Variants in TF observed in about 807,000 individuals in gnomAD.
TF encodes the protein transferrin.
TF carries 55 observed loss-of-function variants against 82.4 expected under a neutral mutation model. The observed-to-expected ratio is 0.67, with a 90% confidence interval of 0.54 to 0.84. The LOEUF (loss-of-function observed/expected upper bound fraction) is 0.84. Ranked by LOEUF, TF falls within the 40% of genes least tolerant of loss-of-function variation. The pLI is 0.00. For synonymous variants in TF, 332 were observed against 332.6 expected, an observed-to-expected ratio of 1.00 and a Z score of 0.02; for missense variants, 737 against 868.4, an observed-to-expected ratio of 0.85 and a Z score of 1.90.
At chr3:133,664,040 T>G in the TF span, among the ~76,000 whole-genome samples, 1 of 152,158 alleles carries the variant, frequency 6.6e-6, no homozygotes, top group South Asian at 2.1e-4. Flanking sequence ...TGATGTGTAG[T>G]GTCTGGACCA....
intron 10 of TF, 24 bp from the exon 11 acceptor site, chr3:133,764,851 T>A (rs1389552130): frequency 3.7e-6 from 6 of 1,612,596 alleles, no homozygotes; most frequent in Non-Finnish European, 5.1e-6. Flanking sequence ...TTTAATGCCT[T>A]TTTCATTTTC....
intron 6 of TF, 97 bp downstream of exon 6, chr3:133,756,434 A>G (rs1933835925): frequency 1.5e-6 from 2 of 1,320,418 alleles, no homozygotes; most frequent in African/African-American, 2.9e-5. Flanking sequence ...AAATGAGCAT[A>G]CTGTATTTCT....
chr3:133,791,542 T>C lies in TF; in HGVS notation c.*12922T>C, dbSNP rs528157521. Reference sequence around the variant, plus strand: ...GTTTATCTCCTCTGTAAAGTTTTGATTAATATAAAAAAAGAATTCTGAGGC... The same window carrying C: ...GTTTATCTCCTCTGTAAAGTTTTGACTAATATAAAAAAAGAATTCTGAGGC... On this transcript the variant is annotated 3_prime_UTR_variant, in exon 17 of 17. Transcript: ENST00000402696. 5 of 152,288 alleles carry C rather than the reference T, an allele frequency of 3.3e-5. No individual in the cohort carries two copies. The highest frequency in any genetic ancestry group is 7.3e-5 in the Non-Finnish European group (5 of 68,028). The allele number at this position is 152,288 out of a possible 1,614,324, so 9.4% of individuals were successfully genotyped here.
intron 10 of TF, 134 bp from the exon 11 acceptor site, chr3:133,764,741 G>C: frequency 1.2e-6 from 1 of 840,878 alleles, no homozygotes; most frequent in Admixed American, 2.2e-5. Flanking sequence ...GTCTGGACTT[G>C]TTGGGAATTG....
Position 133,754,521 on chromosome 3 carries a change from G to C in TF, c.352G>C (p.Ala118Pro), listed in dbSNP as rs534968613. 1 of 1,614,082 alleles carries C rather than the reference G, an allele frequency of 6.2e-7. No homozygotes were observed. The highest frequency in any genetic ancestry group is 1.7e-5 in the Admixed American group (1 of 60,004). Reference protein sequence around the residue: ...EDPQTFYYAVAVVKKDSGFQM... With the variant: ...EDPQTFYYAVPVVKKDSGFQM... ...TCCACAGACTTTCTATTATGCTGTT[G>C]CTGTGGTGAAGAAGGATAGTGGCTT... Residue 118 changes from alanine (A) to proline (P), a missense_variant, in exon 4 of 17, where the codon GCT (alanine) becomes CCT (proline). Physicochemically the swap from Ala to Pro is conservative, Grantham distance 27. Transcript: ENST00000402696.
At chr3:133,674,925 G>A in the TF span, among the ~76,000 whole-genome samples, 1 of 152,106 alleles carries the variant, frequency 6.6e-6, no homozygotes, top group Admixed American at 6.5e-5. Flanking sequence ...ACCCAGATGA[G>A]AGAATGCTTT....
chr3:133,775,310 A>G (rs1331660064), intron 14 of TF, 123 bp from the exon 15 acceptor site: 4 of 942,136 alleles, frequency 4.2e-6, no homozygotes, highest in Non-Finnish European at 6.9e-6. Context: ...CTGTAACCCC[A>G]GTGTGGGCAC....
chr3:133,744,397 C>A (rs1933451037), upstream of TF, among the ~76,000 whole-genome samples: 1 of 152,218 alleles, frequency 6.6e-6, no homozygotes, highest in Admixed American at 6.5e-5. Flanking sequence ...AAGCTTACTA[C>A]AGGGCCTGTC....
Position 133,786,222 on chromosome 3 carries a change from TAAAAAAAAA to T in TF, c.*7612_*7620del, listed in dbSNP as rs1553742153. 1 of 84,352 alleles carries T rather than the reference TAAAAAAAAA, an allele frequency of 1.2e-5. No homozygotes were observed. Among genetic ancestry groups the T allele is most frequent in the Non-Finnish European group, 2.4e-5 (1 of 41,296 alleles). The allele number at this position is 84,352 out of a possible 1,614,324, so 5.2% of individuals were successfully genotyped here. A position where few individuals can be genotyped will look rare whatever the true frequency, so the allele number is the denominator to read the frequency against. The stretch of plus-strand genomic sequence containing the variant: ...AAGAATTATCAATAAAAAAATAAAT[TAAAAAAAAA>T]AAAAAAAAACAATACTATTTTTTGA... On this transcript the variant is annotated 3_prime_UTR_variant, in exon 17 of 17. Coordinates refer to ENST00000402696, the MANE Select transcript of TF (RefSeq NM_001063.4).
the TF span, among the ~76,000 whole-genome samples, chr3:133,697,018 A>G: frequency 2.6e-5 from 4 of 152,236 alleles, no homozygotes; most frequent in Non-Finnish European, 4.4e-5. Context: ...GGAGAATTTT[A>G]GATCATCGCT....
chr3:133,753,773 A>G, intron 3 of TF, 70 bp downstream of exon 3: 1 of 1,324,210 alleles, frequency 7.6e-7, no homozygotes, highest in Non-Finnish European at 1.1e-6. Context: ...TGTGTTTTAC[A>G]GGCAGGTTTT....
At chr3:133,748,887 C>T (rs1223277659) in intron 2 of TF, among the ~76,000 whole-genome samples, 6 of 152,212 alleles carry the variant, frequency 3.9e-5, no homozygotes, top group Admixed American at 6.5e-5. Flanking sequence ...AGGCTGGGCG[C>T]GGTGGCTCAT....
chr3:133,724,998 C>T, the TF span, among the ~76,000 whole-genome samples: 4 of 152,142 alleles, frequency 2.6e-5, no homozygotes, highest in African/African-American at 9.7e-5. Flanking sequence ...GGGCTCTGTT[C>T]TGTTCCATTG....
chr3:133,676,585 C>A, the TF span, among the ~76,000 whole-genome samples: 3 of 152,074 alleles, frequency 2.0e-5, no homozygotes, highest in Non-Finnish European at 4.4e-5. Flanking sequence ...AAGGGCAGAG[C>A]AAGAGGAAGG....
At chr3:133,690,442 A>ATGACATTTC in the TF span, among the ~76,000 whole-genome samples, 1 of 152,274 alleles carries the variant, frequency 6.6e-6, no homozygotes, top group African/African-American at 2.4e-5. Context: ...TTCTAAAGTG[A>ATGACATTTC]TAACACTTCT....
In TF at chr3:133,754,634, C is replaced by T. The variant is rs1449991936; in HGVS notation, c.465C>T (p.Tyr155=). 6.2e-7 allele frequency: 1 copy of T among 1,614,216 alleles called. No homozygotes were observed. Among genetic ancestry groups the T allele is most frequent in the South Asian group, 1.1e-5 (1 of 91,092 alleles). ...AGWNIPIGLL[Y]CDLPEPRKPL... is the part of the protein sequence containing the mutation. The stretch of plus-strand genomic sequence containing the variant: ...GGAACATCCCCATAGGCTTACTTTA[C>T]TGTGACTTACCTGAGCCACGTAAAC... The change falls in exon 4 of 17, where the codon TAC becomes TAT. Residue 155 remains tyrosine, a synonymous_variant. Coordinates refer to ENST00000402696, the MANE Select transcript of TF (RefSeq NM_001063.4).
chr3:133,725,917 T>C, the TF span, among the ~76,000 whole-genome samples: 4 of 152,360 alleles, frequency 2.6e-5, no homozygotes, highest in Admixed American at 2.0e-4. Flanking sequence ...GAGATAATCA[T>C]GTGGTTTTTG....
chr3:133,680,537 T>TC, the TF span, among the ~76,000 whole-genome samples: 2 of 151,322 alleles, frequency 1.3e-5, no homozygotes, highest in African/African-American at 4.9e-5. Context: ...TCTTTTCTTT[T>TC]TTTTTTTTTG....
chr3:133,746,383 C>T (rs973320985), upstream of TF: 18 of 1,555,880 alleles, frequency 1.2e-5, no homozygotes, highest in African/African-American at 2.3e-4. Flanking sequence ...CGCGGGGCGC[C>T]GGAGGCTGCA....
Sources: allele counts gnomAD v4.1 joint callset (sites outside exome capture counted in the v4.1 genomes callset), GRCh38; gene constraint gnomAD v4.1.1; transcripts MANE v1.5; gene names NCBI Gene and HGNC (gene_info 2026-07-23, HGNC 2026-07-21).